The following CEP112 variants were observed in gnomAD, a reference collection of about 807,000 sequenced individuals.
The protein encoded by CEP112 is centrosomal protein of 112 kDa.
In CEP112, 127 loss-of-function variants were observed where a neutral mutation model predicts 153.0. That is an observed-to-expected ratio of 0.83 (90% CI 0.72 to 0.96). CEP112 has a LOEUF of 0.96. Ranked by LOEUF, CEP112 falls within the 40% of genes least tolerant of loss-of-function variation. The pLI, the probability that CEP112 is intolerant of heterozygous loss-of-function variation, is 0.00. For synonymous variants in CEP112, 358 were observed against 374.4 expected (o/e 0.96, Z 0.51); for missense variants, 1,089 against 1,101.2 (o/e 0.99, Z 0.16).
intron 24 of CEP112, among the ~76,000 whole-genome samples, chr17:65,673,195 C>T (rs1754899096): frequency 6.6e-6 from 1 of 152,124 alleles, no homozygotes; most frequent in Non-Finnish European, 1.5e-5. Flanking sequence ...GGCTGAGGTT[C>T]CCATTTCCTG....
intron 6 of CEP112, among the ~76,000 whole-genome samples, chr17:66,115,122 T>TGGTG (rs2069227321): frequency 6.6e-6 from 1 of 152,030 alleles, no homozygotes; most frequent in Non-Finnish European, 1.5e-5. Flanking sequence ...GGAGAATCAC[T>TGGTG]TAAACCTGGG....
intron 23 of CEP112, among the ~76,000 whole-genome samples, chr17:65,736,486 T>G (rs1384141292): frequency 6.6e-6 from 1 of 152,092 alleles, no homozygotes; most frequent in East Asian, 1.9e-4. Context: ...TCAAAATTCA[T>G]TTGTCTGGAA....
At position 66,078,127 on chromosome 17, in the gene CEP112, C is replaced by T. The variant is rs140971247; in HGVS notation, c.769-8126G>A. On this transcript the variant is annotated intron_variant, in intron 8 of 26. Transcript: ENST00000535342. ...ACAGCACCATTTGTTGAAAAGGGTG[C>T]CCCTTTCCCCACTTTATGTTTTTGT... Among the ~76,000 whole-genome samples, 49 of 152,112 alleles carry T rather than the reference C, an allele frequency of 3.2e-4. 1 individual carries two copies. The highest frequency in any genetic ancestry group is 7.5e-4 in the African/African-American group (31 of 41,418).
chr17:66,101,808 GA>G (rs899951306), intron 6 of CEP112, among the ~76,000 whole-genome samples: 22 of 149,094 alleles, frequency 1.5e-4, no homozygotes, highest in South Asian at 4.2e-4. Context: ...TTAATTCTGA[GA>G]AAAAAAAACA....
chr17:65,714,954 T>A (rs2049414356), intron 23 of CEP112, among the ~76,000 whole-genome samples: 2 of 151,986 alleles, frequency 1.3e-5, no homozygotes, highest in African/African-American at 4.8e-5. Context: ...TGATGATACA[T>A]GATTGACTTA....
At chr17:66,029,742 C>G in intron 13 of CEP112, 127 bp downstream of exon 13, 3 of 591,702 alleles carry the variant, frequency 5.1e-6, no homozygotes, top group Non-Finnish European at 7.8e-6. Context: ...AAACAAACAG[C>G]AGTATTTAGA....
At chr17:66,105,132 A>G (rs1218379296) in intron 6 of CEP112, among the ~76,000 whole-genome samples, 2 of 152,196 alleles carry the variant, frequency 1.3e-5, no homozygotes, top group East Asian at 1.9e-4. Flanking sequence ...AAAAAGTTAA[A>G]AAGTGGGGGG....
chr17:65,820,261 A>G (rs1354280159), intron 21 of CEP112, among the ~76,000 whole-genome samples: 1 of 151,970 alleles, frequency 6.6e-6, no homozygotes, highest in Non-Finnish European at 1.5e-5. Context: ...TGCCAATTCA[A>G]ATATTGTCTC....
chr17:66,026,557 G>A (rs1188556849), intron 16 of CEP112, among the ~76,000 whole-genome samples: 2 of 152,132 alleles, frequency 1.3e-5, no homozygotes, highest in Admixed American at 1.3e-4. Flanking sequence ...CTAGTAGAAA[G>A]AAAATATAAT....
intron 21 of CEP112, among the ~76,000 whole-genome samples, chr17:65,823,701 A>G (rs147491445): frequency 6.6e-6 from 1 of 152,310 alleles, no homozygotes; most frequent in African/African-American, 2.4e-5. Context: ...GATTTGGGAG[A>G]AAGTGTTTGC....
chr17:66,149,884 G>GTT (rs1242689416), intron 4 of CEP112, among the ~76,000 whole-genome samples: 5,314 of 46,306 alleles, frequency 0.11, 1,187 homozygotes, highest in East Asian at 0.34. Context: ...TTTTTTGTTT[G>GTT]TTTGTTTTTT....
intron 17 of CEP112, among the ~76,000 whole-genome samples, chr17:66,001,039 T>C (rs1307821052): frequency 1.3e-5 from 2 of 152,170 alleles, no homozygotes; most frequent in East Asian, 1.9e-4. Context: ...TCAATGTAAA[T>C]TGCGCCTAGT....
chr17:65,997,976 T>C (rs2063855720), intron 17 of CEP112, among the ~76,000 whole-genome samples: 3 of 152,154 alleles, frequency 2.0e-5, no homozygotes, highest in South Asian at 4.1e-4. Flanking sequence ...AAATAAGAAA[T>C]AGTCTGCATT....
At chr17:66,141,549 G>A (rs2070700830) in intron 4 of CEP112, among the ~76,000 whole-genome samples, 1 of 151,918 alleles carries the variant, frequency 6.6e-6, no homozygotes, top group Non-Finnish European at 1.5e-5. Context: ...TATATGCATT[G>A]AACAGCAACT....
chr17:66,142,629 T>C (rs1484612023), intron 4 of CEP112, among the ~76,000 whole-genome samples: 2 of 152,194 alleles, frequency 1.3e-5, no homozygotes, highest in South Asian at 2.1e-4. Flanking sequence ...TTGTGTGTTC[T>C]TGGCACCTCT....
chr17:65,831,800 C>T (rs2146122631), intron 21 of CEP112, among the ~76,000 whole-genome samples: 1 of 152,100 alleles, frequency 6.6e-6, no homozygotes, highest in Admixed American at 6.5e-5. Flanking sequence ...AAAGACAGAA[C>T]ATATAAAATT....
At chr17:65,900,497 G>A (rs1385895871) in intron 20 of CEP112, among the ~76,000 whole-genome samples, 2 of 152,038 alleles carry the variant, frequency 1.3e-5, no homozygotes, top group South Asian at 2.1e-4. Context: ...CACCCTATAT[G>A]GCAGACACGA....
intron 17 of CEP112, among the ~76,000 whole-genome samples, chr17:65,965,773 C>T (rs1353236577): frequency 2.0e-5 from 3 of 152,070 alleles, no homozygotes; most frequent in East Asian, 3.9e-4. Context: ...CCACCCCGGT[C>T]TCCTAAAGAG....
intron 6 of CEP112, among the ~76,000 whole-genome samples, chr17:66,122,998 T>C (rs1298691966): frequency 1.3e-5 from 2 of 152,204 alleles, no homozygotes. Flanking sequence ...GAGGAGAGCT[T>C]CTGATCTCAC....
Sources: allele counts gnomAD v4.1 joint callset (sites outside exome capture counted in the v4.1 genomes callset), GRCh38; gene constraint gnomAD v4.1.1; transcripts MANE v1.5; gene names NCBI Gene and HGNC (gene_info 2026-07-23, HGNC 2026-07-21).